Variants in TCF4 observed in about 807,000 individuals in gnomAD.
TCF4 encodes transcription factor 4, also known as SL3-3 enhancer factor 2.
TCF4 carries 3 observed loss-of-function variants against 82.1 expected under a neutral mutation model. The ratio of observed to expected loss-of-function variants is 0.04; its 90% confidence interval spans 0.02 to 0.09. The LOEUF (loss-of-function observed/expected upper bound fraction) is 0.09, where lower values mean the gene tolerates loss of function less well. TCF4 is among the 10% of genes least tolerant of loss of function. The pLI is 1.00. For synonymous variants in TCF4, 276 were observed against 309.6 expected (o/e 0.89, Z 1.14); for missense variants, 518 against 852.7 (o/e 0.61, Z 4.89).
At chr18:55,468,891 C>CCCAA (rs763484029) in intron 3 of TCF4, among the ~76,000 whole-genome samples, 23 of 127,694 alleles carry the variant, frequency 1.8e-4, no homozygotes, top group East Asian at 5.2e-4. Context: ...GCCCCCCCCC[C>CCCAA]CCTTGTTCTA....
intron 3 of TCF4, chr18:55,496,209 C>T (rs561414143): frequency 6.6e-6 from 1 of 152,176 alleles, no homozygotes; most frequent in South Asian, 2.1e-4. Flanking sequence ...TTGATAGCTG[C>T]CAAGTAAAGA....
intron 3 of TCF4, among the ~76,000 whole-genome samples, chr18:55,520,180 A>G (rs1220045239): frequency 6.6e-6 from 1 of 152,224 alleles, no homozygotes; most frequent in Non-Finnish European, 1.5e-5. Context: ...ATGATAGCAT[A>G]AGAATGTCTC....
chr18:55,319,476 C>T (rs941328093), intron 8 of TCF4, among the ~76,000 whole-genome samples: 2 of 152,166 alleles, frequency 1.3e-5, no homozygotes, highest in Non-Finnish European at 2.9e-5. Flanking sequence ...TGGTAGCCAT[C>T]CGCAGTTTCA....
At position 55,510,042 on chromosome 18, in the gene TCF4, A is replaced by G. The variant is rs1423654733; in HGVS notation, c.146-45905T>C. ...CAAAGATTTTTAACACTGGTCTTCC[A>G]TTTTCTGACACTGCTTTTCATGTTT... On this transcript the variant is annotated intron_variant, in intron 3 of 19. Coordinates refer to ENST00000354452, the MANE Select transcript of TCF4 (RefSeq NM_001083962.2). Among the ~76,000 whole-genome samples, 6 of 152,296 alleles carry G rather than the reference A, an allele frequency of 3.9e-5. No homozygotes were observed. In the East Asian group the frequency reaches 1.2e-3, roughly 29 times the overall value.
intron 2 of TCF4, among the ~76,000 whole-genome samples, chr18:55,604,517 G>A (rs564199363): frequency 1.3e-5 from 2 of 152,298 alleles, no homozygotes; most frequent in East Asian, 3.9e-4. Context: ...TAACAGAGAG[G>A]ACAAAGAGGA....
chr18:55,354,616 A>G (rs1210321550), intron 6 of TCF4, among the ~76,000 whole-genome samples: 1 of 152,236 alleles, frequency 6.6e-6, no homozygotes, highest in Non-Finnish European at 1.5e-5. Context: ...TAGTTAAACT[A>G]AAATCATCTT....
chr18:55,604,823 C>T (rs1342704714), intron 2 of TCF4, among the ~76,000 whole-genome samples: 2 of 152,098 alleles, frequency 1.3e-5, no homozygotes, highest in Non-Finnish European at 1.5e-5. Flanking sequence ...CTACTTGCTA[C>T]GACTTTTCCA....
At chr18:55,417,272 G>A (rs1463826865) in intron 5 of TCF4, among the ~76,000 whole-genome samples, 1 of 152,108 alleles carries the variant, frequency 6.6e-6, no homozygotes, top group Non-Finnish European at 1.5e-5. Context: ...ACAGGTAAAG[G>A]TAGACATGGC....
intron 6 of TCF4, among the ~76,000 whole-genome samples, chr18:55,359,134 T>C (rs1438698246): frequency 6.6e-6 from 1 of 152,208 alleles, no homozygotes; most frequent in African/African-American, 2.4e-5. Context: ...TAGAACAGCA[T>C]GCCCGCTTGG....
intron 8 of TCF4, among the ~76,000 whole-genome samples, chr18:55,331,876 T>C (rs1233626310): frequency 1.3e-5 from 2 of 152,204 alleles, no homozygotes; most frequent in African/African-American, 2.4e-5. Flanking sequence ...CAAAAACATA[T>C]ACAATTCACA....
chr18:55,476,752 G>T lies in TCF4; in HGVS notation c.146-12615C>A, dbSNP rs2096297713. Among the ~76,000 whole-genome samples the T allele has an allele frequency of 2.0e-5, 3 of 152,150 alleles. No homozygotes were observed. The South Asian group carries it at 6.2e-4, about 32-fold the overall frequency. ...CAAAATGCTGGGATTATAGGCGTGA[G>T]CCACCATGCCCAGCCTACAGCCCTT... On this transcript the variant is annotated intron_variant, in intron 3 of 19. Coordinates refer to ENST00000354452, the MANE Select transcript of TCF4 (RefSeq NM_001083962.2).
At chr18:55,383,074 T>C (rs907994264) in intron 6 of TCF4, among the ~76,000 whole-genome samples, 10 of 152,212 alleles carry the variant, frequency 6.6e-5, no homozygotes, top group Non-Finnish European at 1.2e-4. Context: ...GAGCAACAAC[T>C]TGGAAAAGGA....
chr18:55,627,528 C>A (rs2097727653), intron 2 of TCF4, among the ~76,000 whole-genome samples: 1 of 152,138 alleles, frequency 6.6e-6, no homozygotes, highest in South Asian at 2.1e-4. Context: ...CTTTGGGAGG[C>A]CAAGGCGGGT....
At chr18:55,441,183 C>A (rs1363762512) in intron 5 of TCF4, among the ~76,000 whole-genome samples, 4 of 152,194 alleles carry the variant, frequency 2.6e-5, no homozygotes, top group Non-Finnish European at 5.9e-5. Context: ...ATTTGCATAA[C>A]CAAATCAAGC....
rs117295497 is a variant in TCF4, at chr18:55,529,712, G to A, written c.145+55568C>T. Among the ~76,000 whole-genome samples, 549 of 152,208 alleles carry A rather than the reference G, an allele frequency of 3.6e-3. 1 individual carries two copies. The highest frequency in any genetic ancestry group is 0.021 in the Middle Eastern group (6 of 292). On this transcript the variant is annotated intron_variant, in intron 3 of 19. Coordinates refer to ENST00000354452, the MANE Select transcript of TCF4 (RefSeq NM_001083962.2). ...AGGAAGGAAAAACACTGGCAACTCC[G>A]CGATGGCTACAGTAACACATTTCTA...
At chr18:55,286,592 T>C (rs780919579) in intron 8 of TCF4, among the ~76,000 whole-genome samples, 2 of 152,116 alleles carry the variant, frequency 1.3e-5, no homozygotes, top group Non-Finnish European at 2.9e-5. Flanking sequence ...AGTCAAGAAA[T>C]GGAAGAAGTA....
chr18:55,611,165 G>C (rs2097706642), intron 2 of TCF4, among the ~76,000 whole-genome samples: 2 of 152,184 alleles, frequency 1.3e-5, no homozygotes, highest in Admixed American at 1.3e-4. Context: ...ATAGTTGCAA[G>C]ATAAGCAGCT....
upstream of TCF4, among the ~76,000 whole-genome samples, chr18:55,592,439 C>T (rs568893532): frequency 3.3e-5 from 5 of 152,260 alleles, no homozygotes; most frequent in Admixed American, 2.6e-4. Flanking sequence ...GAGCTTTGGT[C>T]TTTCTTCCTC....
intron 3 of TCF4, among the ~76,000 whole-genome samples, chr18:55,505,330 A>T (rs1022616924): frequency 1.3e-5 from 2 of 152,336 alleles, no homozygotes; most frequent in African/African-American, 4.8e-5. Flanking sequence ...AAAGCAATAT[A>T]TTATTATATT....
Sources: gnomAD v4.1 joint callset for allele counts (sites outside exome capture counted in the v4.1 genomes callset) on GRCh38, gnomAD v4.1.1 for gene constraint, MANE v1.5 for transcripts, NCBI Gene and HGNC (gene_info 2026-07-23, HGNC 2026-07-21) for gene names.